Variants in WNT7A observed in about 807,000 individuals in gnomAD.
The protein encoded by WNT7A is protein Wnt-7a.
A neutral mutation model predicts 28.2 loss-of-function variants in WNT7A; 16 were observed. The ratio of observed to expected loss-of-function variants is 0.57; its 90% CI spans 0.38 to 0.86. The LOEUF is 0.86. Ranked by LOEUF, WNT7A falls within the 40% of genes least tolerant of loss-of-function variation. The pLI is 0.00. For missense variants in WNT7A, 411 were observed against 489.7 expected, an observed-to-expected ratio of 0.84 and a Z score of 1.52; for synonymous variants, 190 against 195.9, an observed-to-expected ratio of 0.97 and a Z score of 0.25.
intron 3 of WNT7A, among the ~76,000 whole-genome samples, chr3:13,833,840 A>G (rs927093311): frequency 2.0e-5 from 3 of 152,212 alleles, no homozygotes; most frequent in Non-Finnish European, 4.4e-5. Context: ...TCAGTCATAC[A>G]TTCACTTATT....
At chr3:13,843,644 T>G (rs1019315282) in intron 3 of WNT7A, among the ~76,000 whole-genome samples, 9 of 150,876 alleles carry the variant, frequency 6.0e-5, no homozygotes, top group South Asian at 2.1e-4. Context: ...ACAATTACAC[T>G]GCTCACCTGG....
At chr3:13,828,688 G>A (rs1041488647) in intron 3 of WNT7A, among the ~76,000 whole-genome samples, 5 of 152,200 alleles carry the variant, frequency 3.3e-5, no homozygotes, top group African/African-American at 4.8e-5. Context: ...CTCTGGGCTC[G>A]TTGAGTATCT....
intron 2 of WNT7A, among the ~76,000 whole-genome samples, chr3:13,857,973 C>A (rs1351740862): frequency 6.6e-6 from 1 of 152,188 alleles, no homozygotes; most frequent in Non-Finnish European, 1.5e-5. Flanking sequence ...TATAACAATT[C>A]TTATCTATGA....
chr3:13,820,974 C>T (rs554823277), intron 3 of WNT7A, among the ~76,000 whole-genome samples: 2 of 152,216 alleles, frequency 1.3e-5, no homozygotes, highest in Admixed American at 6.5e-5. Flanking sequence ...AGGACCCCCC[C>T]ACACGCAGCC....
chr3:13,850,610 C>G, intron 3 of WNT7A, among the ~76,000 whole-genome samples: 1 of 152,056 alleles, frequency 6.6e-6, no homozygotes, highest in East Asian at 1.9e-4. Context: ...CCCAGCTGGG[C>G]CCCCATCCCC....
At chr3:13,846,168 T>A (rs535303468) in intron 3 of WNT7A, among the ~76,000 whole-genome samples, 1 of 152,386 alleles carries the variant, frequency 6.6e-6, no homozygotes, top group East Asian at 1.9e-4. Flanking sequence ...TAGGAGAGGA[T>A]GCACGTGTGC....
intron 3 of WNT7A, among the ~76,000 whole-genome samples, chr3:13,842,490 G>A (rs1370697311): frequency 6.6e-6 from 1 of 152,172 alleles, no homozygotes; most frequent in Non-Finnish European, 1.5e-5. Flanking sequence ...GGACTCTGGG[G>A]CAGGGGACTG....
chr3:13,831,212 G>A lies in WNT7A; in HGVS notation c.571-11789C>T, dbSNP rs140610407. Among the ~76,000 whole-genome samples, 785 of 152,244 alleles carry A rather than the reference G, an allele frequency of 5.2e-3. 4 individuals are homozygous for A. Among genetic ancestry groups the A allele is most frequent in the South Asian group, 0.01 (49 of 4,818 alleles). Reference sequence around the variant, plus strand: ...GCCCAAACCTCTCAGCAGACTGAGCGGCACAAGGGCAGGATCCATGCCCAC... The same window carrying A: ...GCCCAAACCTCTCAGCAGACTGAGCAGCACAAGGGCAGGATCCATGCCCAC... On this transcript the variant is annotated intron_variant, in intron 3 of 3. Coordinates refer to ENST00000285018, the MANE Select transcript of WNT7A (RefSeq NM_004625.4).
intron 3 of WNT7A, among the ~76,000 whole-genome samples, chr3:13,831,698 C>A (rs1250078803): frequency 6.6e-6 from 1 of 152,088 alleles, no homozygotes; most frequent in Non-Finnish European, 1.5e-5. Context: ...CTGGGCAGCC[C>A]CCCAGCCAAA....
At chr3:13,824,296 T>C (rs1222260103) in intron 3 of WNT7A, among the ~76,000 whole-genome samples, 1 of 152,110 alleles carries the variant, frequency 6.6e-6, no homozygotes, top group Non-Finnish European at 1.5e-5. Flanking sequence ...CTACCTGCTG[T>C]CTTTGTAGAT....
At chr3:13,845,575 G>A (rs1694525506) in intron 3 of WNT7A, among the ~76,000 whole-genome samples, 1 of 152,214 alleles carries the variant, frequency 6.6e-6, no homozygotes, top group Admixed American at 6.5e-5. Context: ...GAGGCACAGA[G>A]AGGCAGAGTA....
At chr3:13,869,782 C>G (rs768283240) in intron 2 of WNT7A, among the ~76,000 whole-genome samples, 10 of 152,080 alleles carry the variant, frequency 6.6e-5, no homozygotes, top group Non-Finnish European at 1.5e-4. Context: ...TTCTTAGACA[C>G]CCCCCGCCCA....
At chr3:13,833,807 G>A (rs768294268) in intron 3 of WNT7A, among the ~76,000 whole-genome samples, 1 of 152,238 alleles carries the variant, frequency 6.6e-6, no homozygotes, top group Non-Finnish European at 1.5e-5. Flanking sequence ...AACTGCTGGA[G>A]CACCCTGAAA....
intron 3 of WNT7A, among the ~76,000 whole-genome samples, chr3:13,837,701 C>T (rs780916866): frequency 2.8e-4 from 43 of 152,266 alleles, no homozygotes; most frequent in Non-Finnish European, 5.3e-4. Context: ...ACACAGGCGA[C>T]GATGCTCTGG....
intron 3 of WNT7A, among the ~76,000 whole-genome samples, chr3:13,843,399 A>G (rs9811579): frequency 0.024 from 3,667 of 152,178 alleles, 154 homozygotes; most frequent in African/African-American, 0.083. Context: ...TTTTTCAATG[A>G]GGAAACTGAG....
At chr3:13,869,030 G>A (rs534929740) in intron 2 of WNT7A, among the ~76,000 whole-genome samples, 3 of 141,444 alleles carry the variant, frequency 2.1e-5, no homozygotes, top group Admixed American at 1.4e-4. Context: ...AAGAGAGAAA[G>A]TGAGAGAGAG....
intron 3 of WNT7A, among the ~76,000 whole-genome samples, chr3:13,854,285 C>T (rs1694689367): frequency 6.6e-6 from 1 of 152,090 alleles, no homozygotes; most frequent in Non-Finnish European, 1.5e-5. Context: ...GTCCCTCTTT[C>T]CATCTTGCTG....
At chr3:13,830,012 AC>A (rs1405081067) in intron 3 of WNT7A, among the ~76,000 whole-genome samples, 1 of 151,986 alleles carries the variant, frequency 6.6e-6, no homozygotes, top group Non-Finnish European at 1.5e-5. Context: ...TGGCATGGCA[AC>A]CCCAGGGCAT....
intron 2 of WNT7A, among the ~76,000 whole-genome samples, chr3:13,861,127 A>C (rs1305289813): frequency 1.3e-5 from 2 of 152,054 alleles, no homozygotes; most frequent in Non-Finnish European, 2.9e-5. Flanking sequence ...GGTTTTGAAA[A>C]CCATTCCAGT....
Sources: gnomAD v4.1 joint callset for allele counts (sites outside exome capture counted in the v4.1 genomes callset) on GRCh38, gnomAD v4.1.1 for gene constraint, MANE v1.5 for transcripts, NCBI Gene and HGNC (gene_info 2026-07-23, HGNC 2026-07-21) for gene names.